Variants in PPHLN1 observed in about 807,000 individuals in gnomAD.
PPHLN1 encodes the protein periphilin-1.
In PPHLN1, 29 loss-of-function variants were observed where a neutral mutation model predicts 51.3. The observed-to-expected ratio is 0.57, with a 90% CI of 0.42 to 0.77. PPHLN1 has a LOEUF of 0.77. Ranked by LOEUF, PPHLN1 falls within the 30% of genes least tolerant of loss-of-function variation. The pLI is 0.00. For missense variants in PPHLN1, 436 were observed against 438.4 expected (o/e 0.99, Z 0.05); for synonymous variants, 147 against 147.8 (o/e 0.99, Z 0.04).
In PPHLN1 at chr12:42,380,625, C is replaced by G. The variant is rs565799985; in HGVS notation, c.512-4315C>G. On this transcript the variant is annotated intron_variant, in intron 5 of 9. Coordinates refer to ENST00000358314, the MANE Select transcript of PPHLN1 (RefSeq NM_201439.2). Reference sequence around the variant, plus strand: ...GAATTTTTTGATTATAGCTGAAATTCTTTTTTTAAAAAAACTATTCTAGAC... The same window carrying G: ...GAATTTTTTGATTATAGCTGAAATTGTTTTTTTAAAAAAACTATTCTAGAC... Among the ~76,000 whole-genome samples, 3 of 152,028 alleles carry G rather than the reference C, an allele frequency of 2.0e-5. No homozygotes were observed. The East Asian group carries it at 5.8e-4, about 29-fold the overall frequency.
At chr12:42,383,983 C>CAAAAAAAAAAAAAAAAAAAAA (rs61016692) in intron 5 of PPHLN1, among the ~76,000 whole-genome samples, 8 of 51,606 alleles carry the variant, frequency 1.6e-4, no homozygotes, top group Non-Finnish European at 2.0e-4. Flanking sequence ...GACTGTGTCT[C>CAAAAAAAAAAAAAAAAAAAAA]AAAAAAAAAA....
chr12:42,402,933 G>C (rs1189701833), intron 9 of PPHLN1, among the ~76,000 whole-genome samples: 2 of 152,114 alleles, frequency 1.3e-5, no homozygotes, highest in Non-Finnish European at 2.9e-5. Context: ...AGCTCTTGCT[G>C]TTTCTCATAT....
chr12:42,368,807 C>A (rs1361695222), intron 4 of PPHLN1, among the ~76,000 whole-genome samples: 2 of 152,046 alleles, frequency 1.3e-5, no homozygotes, highest in East Asian at 3.9e-4. Context: ...ATTTTTCTTT[C>A]CAAAATACAA....
chr12:42,383,808 G>A (rs902359338), intron 5 of PPHLN1, among the ~76,000 whole-genome samples: 6 of 151,532 alleles, frequency 4.0e-5, no homozygotes, highest in African/African-American at 1.2e-4. Flanking sequence ...GTGAAACCTC[G>A]TCTCTACTAA....
chr12:42,442,723 C>T (rs768877901), downstream of PPHLN1: 18 of 1,613,622 alleles, frequency 1.1e-5, no homozygotes, highest in East Asian at 2.7e-4. Context: ...AAAACGAAGG[C>T]GAAGAGACTG....
rs538312699 is a variant in PPHLN1 at position 42,374,834 on chromosome 12, C to G, written c.300-29C>G. On this transcript the variant is annotated intron_variant, in intron 4 of 9. Coordinates refer to ENST00000358314, the MANE Select transcript of PPHLN1 (RefSeq NM_201439.2). ...TATATAGAGGATAGAGTATAATTAA[C>G]TTATTTTATGTTTTTTTTTTTTTCA... 1.2e-4 allele frequency: 180 copies of G among 1,504,060 alleles called. 2 individuals carry two copies. In the South Asian group the frequency reaches 2.0e-3, roughly 17 times the overall value. 93.2% of individuals were successfully genotyped at this position (1,504,060 alleles called of 1,614,324 possible).
chr12:42,440,866 A>G (rs921950390), intron 9 of PPHLN1, among the ~76,000 whole-genome samples: 3 of 152,270 alleles, frequency 2.0e-5, no homozygotes, highest in African/African-American at 7.2e-5. Flanking sequence ...GGTGTGAGAC[A>G]CCGCACCCGG....
intron 4 of PPHLN1, among the ~76,000 whole-genome samples, chr12:42,358,384 T>TAA (rs1209342880): frequency 2.6e-5 from 4 of 152,014 alleles, no homozygotes; most frequent in Non-Finnish European, 5.9e-5. Flanking sequence ...TTTTGATTGT[T>TAA]TAATTGAGTC....
rs367948299 is a variant in PPHLN1 at position 42,397,976 on chromosome 12, GT to G, written c.769-865del. 4.5e-3 allele frequency among the ~76,000 whole-genome samples: 635 copies of G among 141,644 alleles called. 4 individuals carry two copies. The highest frequency in any genetic ancestry group is 0.013 in the African/African-American group (521 of 38,638). 92.9% of individuals were successfully genotyped at this position (141,644 alleles called of 152,430 possible). On this transcript the variant is annotated intron_variant, in intron 8 of 9. Transcript: ENST00000358314. ...TGACCTCGTGATCCGCCTGCCTCGG[GT>G]TTTTTTTTTTTTGGTAGATCATACA... is the stretch of plus-strand genomic sequence containing the variant.
Position 42,355,184 on chromosome 12 carries a change from A to G in PPHLN1, c.261A>G (p.Thr87=), listed in dbSNP as rs2073888973. ...HRGDESGYRW[T]RDDHSASRQP... is the part of the protein sequence containing the mutation. ...AGGATGAATCTGGTTATAGATGGAC[A>G]AGAGACGATCATTCTGCAAGCAGGC... Residue 87 remains threonine (T), a synonymous_variant, in exon 4 of 10, where the codon ACA becomes ACG. Transcript: ENST00000358314. 6.2e-7 allele frequency: 1 copy of G among 1,613,660 alleles called. No homozygotes were observed. Among genetic ancestry groups the G allele is most frequent in the Admixed American group, 1.7e-5 (1 of 59,992 alleles).
chr12:42,386,904 T>G (rs1300525056), intron 6 of PPHLN1: 3 of 152,222 alleles, frequency 2.0e-5, no homozygotes, highest in African/African-American at 7.2e-5. Context: ...GGTTTATTTT[T>G]AACCATTTAA....
chr12:42,415,796 A>G (rs918536601), intron 9 of PPHLN1, among the ~76,000 whole-genome samples: 2 of 152,226 alleles, frequency 1.3e-5, no homozygotes, highest in East Asian at 3.8e-4. Flanking sequence ...TGAGAAATGT[A>G]GTGTGTTGTT....
chr12:42,372,097 C>T (rs899738616), intron 4 of PPHLN1, among the ~76,000 whole-genome samples: 1 of 152,060 alleles, frequency 6.6e-6, no homozygotes, highest in Non-Finnish European at 1.5e-5. Context: ...CCCTATAGTG[C>T]TGTTCATATG....
At chr12:42,360,410 C>T (rs1263242932) in intron 4 of PPHLN1, among the ~76,000 whole-genome samples, 1 of 130,468 alleles carries the variant, frequency 7.7e-6, no homozygotes, top group Non-Finnish European at 1.6e-5. Flanking sequence ...GAGATTAGGT[C>T]TAGGTTATAG....
chr12:42,404,095 A>G (rs911720473), intron 9 of PPHLN1, among the ~76,000 whole-genome samples: 3 of 151,036 alleles, frequency 2.0e-5, no homozygotes, highest in Non-Finnish European at 1.5e-5. Flanking sequence ...AAGTTCTCTC[A>G]CAGAATTGAC....
In PPHLN1 at chr12:42,441,624, A is replaced by C. The variant is rs2082974643; in HGVS notation, c.*115A>C. On this transcript the variant is annotated 3_prime_UTR_variant, in exon 10 of 10. Transcript: ENST00000358314. ...GTGATGCAGAGAAATACTTTATGAT[A>C]GTTGACAACATTTCAGTATTAAATA... 7.5e-7 allele frequency: 1 copy of C among 1,330,244 alleles called. No individual in the cohort carries two copies. 82.4% of individuals were successfully genotyped at this position (1,330,244 alleles called of 1,614,324 possible).
At chr12:42,361,176 TAAG>T (rs1243434789) in intron 4 of PPHLN1, 1 of 152,382 alleles carries the variant, frequency 6.6e-6, no homozygotes, top group African/African-American at 2.4e-5. Context: ...GGTGCCTTAT[TAAG>T]AAGAGACATA....
chr12:42,361,176 T>G (rs557070966), intron 4 of PPHLN1: 3 of 152,500 alleles, frequency 2.0e-5, no homozygotes, highest in Admixed American at 6.5e-5. Context: ...GGTGCCTTAT[T>G]AAGAAGAGAC....
At chr12:42,337,888 A>G (rs1340561312) in intron 2 of PPHLN1, among the ~76,000 whole-genome samples, 5 of 151,642 alleles carry the variant, frequency 3.3e-5, no homozygotes, top group Non-Finnish European at 7.4e-5. Context: ...GATTCAAGCG[A>G]TTCTCCTGCC....
Sources: allele counts gnomAD v4.1 joint callset (sites outside exome capture counted in the v4.1 genomes callset), GRCh38; gene constraint gnomAD v4.1.1; transcripts MANE v1.5; gene names NCBI Gene and HGNC (gene_info 2026-07-23, HGNC 2026-07-21).